The following PDGFB variants were observed in gnomAD, a reference collection of about 807,000 sequenced individuals.
The protein encoded by PDGFB is platelet derived growth factor subunit B, also known as platelet-derived growth factor subunit B.
Under a neutral mutation model 29.0 loss-of-function variants are expected in PDGFB, and 6 were observed. That is an observed-to-expected ratio of 0.21 (90% CI 0.11 to 0.41). The LOEUF (loss-of-function observed/expected upper bound fraction) is 0.41, where lower values mean the gene tolerates loss of function less well. Among genes scored for constraint, PDGFB ranks in the 10% least tolerant of loss-of-function variants. The pLI is 1.00. For missense variants in PDGFB, 299 were observed against 341.8 expected, an observed-to-expected ratio of 0.87 and a Z score of 0.99; for synonymous variants, 144 against 140.8, an observed-to-expected ratio of 1.02 and a Z score of -0.16.
In PDGFB at chr22:39,242,337, G is replaced by T; in HGVS notation, c.63+1564C>A. On this transcript the variant is annotated intron_variant, in intron 1 of 6. Transcript: ENST00000331163. This position sits in a 1 kb window ranked among gnomAD's most constrained non-coding sequence, Gnocchi z 5.7. ...GGGGGCCCGGGCGGGGTGGGCTGCG[G>T]AGAGCAGCCACGGGGCGCCGCCGTT... 4.9e-6 allele frequency: 1 copy of T among 203,228 alleles called. No homozygotes were observed. The highest frequency in any genetic ancestry group is 1.0e-5 in the Non-Finnish European group (1 of 99,186). 12.6% of individuals were successfully genotyped at this position (203,228 alleles called of 1,614,324 possible).
chr22:39,231,523 C>G lies in PDGFB; in HGVS notation c.456+99G>C. 1.1e-6 allele frequency: 1 copy of G among 887,472 alleles called. No homozygotes were observed. The highest frequency in any genetic ancestry group is 1.7e-6 in the Non-Finnish European group (1 of 591,276). The allele number at this position is 887,472 out of a possible 1,614,324, so 55.0% of individuals were successfully genotyped here. ...ATCAGGAATGTCCTTCGACACACCA[C>G]TCTGCCCAGTCAAGGAAGCCTGGTC... On this transcript the variant is annotated intron_variant, in intron 4 of 6. Transcript: ENST00000331163. This position sits in a 1 kb window ranked among gnomAD's most constrained non-coding sequence, Gnocchi z 4.3.
chr22:39,228,130 A>G (rs1156903954), intron 5 of PDGFB, among the ~76,000 whole-genome samples: 2 of 151,268 alleles, frequency 1.3e-5, no homozygotes, highest in African/African-American at 2.4e-5. Flanking sequence ...ACCAAGCCTT[A>G]GCCAGGCCCA....
At position 39,236,150 on chromosome 22, in the gene PDGFB, T is replaced by C. The variant is rs998069706; in HGVS notation, c.64-276A>G. Among the ~76,000 whole-genome samples, 3 of 152,284 alleles carry C rather than the reference T, an allele frequency of 2.0e-5. No homozygotes were observed. The East Asian group carries it at 5.8e-4, about 29-fold the overall frequency. On this transcript the variant is annotated intron_variant, in intron 1 of 6. Coordinates refer to ENST00000331163, the MANE Select transcript of PDGFB (RefSeq NM_002608.4). ...TTGGACCTGCTTGTCTCTATGTCTG[T>C]CTCCCCCACCAAACTACATGTTCTG...
intron 2 of PDGFB, among the ~76,000 whole-genome samples, chr22:39,234,212 AC>A (rs2146444171): frequency 6.6e-6 from 1 of 151,804 alleles, no homozygotes; most frequent in South Asian, 2.1e-4. Flanking sequence ...CTGTTGCCCC[AC>A]CTCTGCCCCC....
intron 2 of PDGFB, among the ~76,000 whole-genome samples, chr22:39,234,131 C>T (rs1242344425): frequency 1.3e-5 from 2 of 152,124 alleles, no homozygotes; most frequent in East Asian, 3.9e-4. Context: ...CCTTCTAGGG[C>T]CTGGTCTCTC....
intron 2 of PDGFB, among the ~76,000 whole-genome samples, chr22:39,234,826 G>A (rs1254326058): frequency 5.9e-5 from 9 of 152,212 alleles, no homozygotes; most frequent in South Asian, 2.1e-4. Flanking sequence ...TGGAGGGGCC[G>A]TCTGAGGGTG....
chr22:39,228,742 AGCCGGGTGTAGTG>A (rs1932225007), intron 5 of PDGFB, among the ~76,000 whole-genome samples: 1 of 151,932 alleles, frequency 6.6e-6, no homozygotes, highest in African/African-American at 2.4e-5. Flanking sequence ...TACAAAAATT[AGCCGGGTGTAGTG>A]GCATGTGTCT....
chr22:39,233,435 C>G lies in PDGFB; in HGVS notation c.250G>C (p.Gly84Arg). 2.5e-6 allele frequency: 4 copies of G among 1,595,764 alleles called. No homozygotes were observed. The highest frequency in any genetic ancestry group is 3.4e-6 in the Non-Finnish European group (4 of 1,171,636). ...ESLARGRRSL[G>R]SLTIAEPAMI... Reference sequence around the variant, plus strand: ...CCCTTGTTGGGTGTCTCAGTCTTACCCAGGCTCCTTCTTCCACGAGCCAAG... The same window carrying G: ...CCCTTGTTGGGTGTCTCAGTCTTACGCAGGCTCCTTCTTCCACGAGCCAAG... Residue 84 changes from glycine to arginine, a missense_variant and splice_region_variant, in exon 3 of 7, where the codon GGT (glycine) becomes CGT (arginine). Coordinates refer to ENST00000331163, the MANE Select transcript of PDGFB (RefSeq NM_002608.4).
At chr22:39,233,117 C>T (rs1369642680) in intron 3 of PDGFB, among the ~76,000 whole-genome samples, 22 of 152,196 alleles carry the variant, frequency 1.4e-4, no homozygotes, top group Non-Finnish European at 1.6e-4. Context: ...TCGCCTAGTT[C>T]TTTACCCTCT....
Position 39,233,418 on chromosome 22 carries a change from G to T in PDGFB, c.250+17C>A. The T allele has an allele frequency of 1.3e-6, 2 of 1,573,496 alleles. No individual in the cohort carries two copies. Among genetic ancestry groups the T allele is most frequent in the South Asian group, 2.3e-5 (2 of 87,054 alleles). On this transcript the variant is annotated intron_variant, in intron 3 of 6. Transcript: ENST00000331163. Reference sequence around the variant, plus strand: ...CATGCTAATTTGAAGGACCCTTGTTGGGTGTCTCAGTCTTACCCAGGCTCC... The same window carrying T: ...CATGCTAATTTGAAGGACCCTTGTTTGGTGTCTCAGTCTTACCCAGGCTCC...
At chr22:39,234,163 G>T (rs563011091) in intron 2 of PDGFB, among the ~76,000 whole-genome samples, 1 of 152,136 alleles carries the variant, frequency 6.6e-6, no homozygotes, top group Non-Finnish European at 1.5e-5. Flanking sequence ...CCCTCACACC[G>T]TATCTGTATC....
chr22:39,239,729 C>T (rs1240070229), intron 1 of PDGFB, among the ~76,000 whole-genome samples: 2 of 152,326 alleles, frequency 1.3e-5, no homozygotes, highest in East Asian at 3.9e-4. Context: ...CCTCCGACCC[C>T]GCCCCCAGCG....
intron 4 of PDGFB, 65 bp from the exon 5 acceptor site, chr22:39,230,293 A>G: frequency 6.4e-7 from 1 of 1,558,412 alleles, no homozygotes; most frequent in Non-Finnish European, 8.8e-7. Flanking sequence ...GGAAGCCCGA[A>G]TGGCTTGCGC....
At chr22:39,240,914 C>A (rs1349294205) in intron 1 of PDGFB, 1 of 1,521,168 alleles carries the variant, frequency 6.6e-7, no homozygotes, top group Non-Finnish European at 9.0e-7. Context: ...CTCTCTCTCT[C>A]AGATGCGCAC....
chr22:39,230,291 G>C, intron 4 of PDGFB, 63 bp from the exon 5 acceptor site: 1 of 1,566,022 alleles, frequency 6.4e-7, no homozygotes, highest in Non-Finnish European at 8.7e-7. Context: ...CGGGAAGCCC[G>C]AATGGCTTGC....
chr22:39,225,971 G>C, intron 5 of PDGFB, 124 bp from the exon 6 acceptor site: 1 of 1,169,374 alleles, frequency 8.6e-7, no homozygotes, highest in South Asian at 1.7e-5. Flanking sequence ...TCTGGACCAG[G>C]GTCCTGGGTT....
chr22:39,231,732 C>T lies in PDGFB; in HGVS notation c.346G>A (p.Ala116Thr). Residue 116 changes from alanine (A) to threonine (T), a missense_variant, in exon 4 of 7, where the codon GCC becomes ACC. Physicochemically the swap from Ala to Thr is moderately conservative, Grantham distance 58. Coordinates refer to ENST00000331163, the MANE Select transcript of PDGFB (RefSeq NM_002608.4). The surrounding 1 kb of genome is among the most constrained non-coding windows in gnomAD (Gnocchi z 4.3). ...ISRRLIDRTNANFLVWPPCVE... is the reference protein window; with the variant it reads ...ISRRLIDRTNTNFLVWPPCVE... ...CAGGGCGGCCACACCAGGAAGTTGG[C>T]GTTGGTGCGGTCTATGAGGCGCCGG... 6.2e-7 allele frequency: 1 copy of T among 1,612,250 alleles called. No homozygotes were observed. The highest frequency in any genetic ancestry group is 8.5e-7 in the Non-Finnish European group (1 of 1,179,400).
rs1932640101 is a variant in PDGFB at position 39,244,185 on chromosome 22, G to C, written c.-222C>G. Reference sequence around the variant, plus strand: ...GGGGCAGGGGAGGACCTGGGCGCAGGACCTGGGTCCGAGGCCGCTACCTGG... The same window carrying C: ...GGGGCAGGGGAGGACCTGGGCGCAGCACCTGGGTCCGAGGCCGCTACCTGG... On this transcript the variant is annotated 5_prime_UTR_variant, in exon 1 of 7. Transcript: ENST00000331163. This position sits in a 1 kb window ranked among gnomAD's most constrained non-coding sequence, Gnocchi z 4.5. 3.6e-6 allele frequency: 1 copy of C among 280,464 alleles called. No individual in the cohort carries two copies. The highest frequency in any genetic ancestry group is 5.4e-5 in the East Asian group (1 of 18,686). 17.4% of individuals were successfully genotyped at this position (280,464 alleles called of 1,614,324 possible). A position where few individuals can be genotyped will look rare whatever the true frequency, so the allele number is the denominator to read the frequency against.
intron 2 of PDGFB, among the ~76,000 whole-genome samples, chr22:39,233,813 T>A (rs917739609): frequency 2.0e-5 from 3 of 152,180 alleles, no homozygotes; most frequent in African/African-American, 7.2e-5. Context: ...CCTTTGCTAC[T>A]GTAAGTGAAC....
Sources: gnomAD v4.1 joint callset for allele counts (sites outside exome capture counted in the v4.1 genomes callset) on GRCh38, gnomAD v4.1.1 for gene constraint, Gnocchi (gnomAD v3.1) non-coding constraint, MANE v1.5 for transcripts, NCBI Gene and HGNC (gene_info 2026-07-23, HGNC 2026-07-21) for gene names.